STXBP6: variants seen among roughly 807,000 people sequenced by gnomAD.
The protein encoded by STXBP6 is syntaxin-binding protein 6.
Under a neutral mutation model 26.9 loss-of-function variants are expected in STXBP6, and 21 were observed. The observed-to-expected ratio is 0.78, with a 90% confidence interval of 0.55 to 1.12. STXBP6 has a LOEUF of 1.12. Among genes scored for constraint, STXBP6 ranks in the 50% most tolerant of loss-of-function variants. The pLI, the probability that STXBP6 is intolerant of heterozygous loss-of-function variation, is 0.00. For synonymous variants in STXBP6, 97 were observed against 92.6 expected, an observed-to-expected ratio of 1.05 and a Z score of -0.27; for missense variants, 232 against 257.9, an observed-to-expected ratio of 0.90 and a Z score of 0.69.
At chr14:24,989,955 C>CGTGACAGAACTAGAATT (rs2074424703) in intron 1 of STXBP6, among the ~76,000 whole-genome samples, 1 of 152,080 alleles carries the variant, frequency 6.6e-6, no homozygotes, top group Admixed American at 6.5e-5. Context: ...TCAAATGGAT[C>CGTGACAGAACTAGAATT]GTGACAGAAC....
chr14:24,993,492 C>T (rs1361865152), intron 1 of STXBP6, among the ~76,000 whole-genome samples: 1 of 152,186 alleles, frequency 6.6e-6, no homozygotes, highest in Non-Finnish European at 1.5e-5. Flanking sequence ...AGATTACTAC[C>T]AACATCCTCT....
At chr14:24,895,346 T>C (rs1418211158) in intron 2 of STXBP6, among the ~76,000 whole-genome samples, 1 of 152,204 alleles carries the variant, frequency 6.6e-6, no homozygotes, top group African/African-American at 2.4e-5. Context: ...GGAAAAGAGA[T>C]TTAAATGCAA....
intron 2 of STXBP6, among the ~76,000 whole-genome samples, chr14:24,971,160 C>T (rs868719238): frequency 2.6e-5 from 4 of 152,156 alleles, no homozygotes; most frequent in Middle Eastern, 3.4e-3. Flanking sequence ...ATATTTAAAC[C>T]GCTCTGAAAA....
At chr14:24,871,376 C>T (rs1423935546) in intron 2 of STXBP6, among the ~76,000 whole-genome samples, 1 of 152,136 alleles carries the variant, frequency 6.6e-6, no homozygotes, top group Non-Finnish European at 1.5e-5. Flanking sequence ...GAAGATGGCA[C>T]TGAGGAAGAA....
At chr14:24,945,992 T>C (rs1387331674) in intron 2 of STXBP6, among the ~76,000 whole-genome samples, 1 of 152,216 alleles carries the variant, frequency 6.6e-6, no homozygotes, top group Non-Finnish European at 1.5e-5. Flanking sequence ...TATGCTAATA[T>C]CTGGTGGATC....
intron 2 of STXBP6, among the ~76,000 whole-genome samples, chr14:24,909,541 G>C (rs183466847): frequency 2.1e-3 from 316 of 152,154 alleles, no homozygotes; most frequent in Non-Finnish European, 3.5e-3. Context: ...AGCACTGTAG[G>C]AAGGCAAGGC....
intron 2 of STXBP6, among the ~76,000 whole-genome samples, chr14:24,913,835 C>T (rs2071661743): frequency 6.6e-6 from 1 of 152,122 alleles, no homozygotes; most frequent in Admixed American, 6.6e-5. Flanking sequence ...ATAAAGTGGT[C>T]CCCAGAACAG....
intron 4 of STXBP6, among the ~76,000 whole-genome samples, chr14:24,835,508 A>G (rs1226787242): frequency 6.6e-6 from 1 of 152,224 alleles, no homozygotes; most frequent in East Asian, 1.9e-4. Context: ...AATTTCATAC[A>G]TGTATCCTAG....
chr14:24,904,503 T>C (rs2071320995), intron 2 of STXBP6, among the ~76,000 whole-genome samples: 1 of 152,184 alleles, frequency 6.6e-6, no homozygotes, highest in African/African-American at 2.4e-5. Context: ...TGGACTAAAG[T>C]GTGTCCCCCC....
At chr14:24,943,940 T>C (rs1284073738) in intron 2 of STXBP6, among the ~76,000 whole-genome samples, 1 of 152,184 alleles carries the variant, frequency 6.6e-6, no homozygotes, top group African/African-American at 2.4e-5. Flanking sequence ...ATTGTTGCTT[T>C]TTTGTATTAA....
At chr14:24,999,945 C>T (rs867960968) in intron 1 of STXBP6, among the ~76,000 whole-genome samples, 23 of 152,262 alleles carry the variant, frequency 1.5e-4, no homozygotes, top group Middle Eastern at 3.4e-3. Flanking sequence ...GACAAAGATG[C>T]TAATATGTTA....
intron 1 of STXBP6, among the ~76,000 whole-genome samples, chr14:25,026,495 T>C (rs60783613): frequency 0.064 from 9,789 of 152,244 alleles, 360 homozygotes; most frequent in East Asian, 0.16. Flanking sequence ...GTAATACTGC[T>C]GCAGCAAAAC....
intron 1 of STXBP6, among the ~76,000 whole-genome samples, chr14:25,041,000 T>G (rs887819908): frequency 5.9e-5 from 9 of 152,166 alleles, no homozygotes; most frequent in Non-Finnish European, 1.2e-4. Flanking sequence ...AAGTGCCAAC[T>G]TCCTATATTC....
intron 1 of STXBP6, among the ~76,000 whole-genome samples, chr14:25,032,012 T>C (rs2075465417): frequency 6.6e-6 from 1 of 151,938 alleles, no homozygotes; most frequent in Admixed American, 6.5e-5. Context: ...AGAAGAAATA[T>C]GGTGGTAAAT....
intron 4 of STXBP6, among the ~76,000 whole-genome samples, chr14:24,845,255 G>A (rs1469445617): frequency 6.6e-6 from 1 of 152,036 alleles, no homozygotes; most frequent in African/African-American, 2.4e-5. Context: ...CTCGTGATCT[G>A]CCCACCTTGG....
At chr14:24,825,153 C>T (rs1231016259) in intron 4 of STXBP6, among the ~76,000 whole-genome samples, 1 of 152,078 alleles carries the variant, frequency 6.6e-6, no homozygotes, top group African/African-American at 2.4e-5. Context: ...TGCAGAGCTT[C>T]CCAAACATAT....
intron 2 of STXBP6, among the ~76,000 whole-genome samples, chr14:24,954,902 C>T (rs978222713): frequency 1.3e-5 from 2 of 152,128 alleles, no homozygotes; most frequent in African/African-American, 4.8e-5. Flanking sequence ...GGTTTGAATC[C>T]CTACTCCCAT....
chr14:24,952,670 G>A (rs1274741528), intron 2 of STXBP6, among the ~76,000 whole-genome samples: 2 of 152,090 alleles, frequency 1.3e-5, no homozygotes, highest in African/African-American at 2.4e-5. Context: ...TTAAAGTATT[G>A]TTATACAAGG....
chr14:25,016,935 T>C (rs2075161713), intron 1 of STXBP6, among the ~76,000 whole-genome samples: 2 of 152,028 alleles, frequency 1.3e-5, no homozygotes, highest in East Asian at 1.9e-4. Context: ...ATAGAGGAAA[T>C]AGGAGAAATT....
Sources: allele counts gnomAD v4.1 joint callset (sites outside exome capture counted in the v4.1 genomes callset), GRCh38; gene constraint gnomAD v4.1.1; transcripts MANE v1.5; gene names NCBI Gene and HGNC (gene_info 2026-07-23, HGNC 2026-07-21).